The following CDYL variants were observed in gnomAD, a reference collection of about 807,000 sequenced individuals.
CDYL encodes the protein chromodomain Y like.
CDYL carries 8 observed loss-of-function variants against 47.3 expected under a neutral mutation model. The ratio of observed to expected loss-of-function variants is 0.17; its 90% CI spans 0.10 to 0.31. The LOEUF (loss-of-function observed/expected upper bound fraction) is 0.31. Ranked by LOEUF, CDYL falls within the 10% of genes least tolerant of loss-of-function variation. The pLI is 1.00. For synonymous variants in CDYL, 266 were observed against 265.0 expected, an observed-to-expected ratio of 1.00 and a Z score of -0.04; for missense variants, 471 against 701.4, an observed-to-expected ratio of 0.67 and a Z score of 3.71.
chr6:4,708,241 G>A (rs1410379241), intron 1 of CDYL, among the ~76,000 whole-genome samples: 1 of 151,978 alleles, frequency 6.6e-6, no homozygotes, highest in African/African-American at 2.4e-5. Flanking sequence ...TTGACTTACT[G>A]CAACCTCCAC....
At chr6:4,806,971 G>T (rs568634335) in intron 1 of CDYL, among the ~76,000 whole-genome samples, 21 of 152,308 alleles carry the variant, frequency 1.4e-4, no homozygotes, top group African/African-American at 5.1e-4. Context: ...TCTCCCGAGG[G>T]CTTCCTTCCC....
intron 3 of CDYL, among the ~76,000 whole-genome samples, chr6:4,735,730 C>T (rs374753733): frequency 6.6e-6 from 1 of 152,000 alleles, no homozygotes; most frequent in Non-Finnish European, 1.5e-5. Flanking sequence ...CGCTCCACTG[C>T]ACTCTAGCAC....
intron 3 of CDYL, among the ~76,000 whole-genome samples, chr6:4,749,496 A>G (rs895727038): frequency 6.6e-6 from 1 of 151,964 alleles, no homozygotes; most frequent in Non-Finnish European, 1.5e-5. Flanking sequence ...GGATGAATGA[A>G]TGGAAGGATA....
intron 4 of CDYL, among the ~76,000 whole-genome samples, chr6:4,939,697 GT>G (rs1197535036): frequency 6.6e-6 from 1 of 152,166 alleles, no homozygotes; most frequent in African/African-American, 2.4e-5. Context: ...CTTGATCAGT[GT>G]CATAAATCCT....
intron 1 of CDYL, among the ~76,000 whole-genome samples, chr6:4,885,020 G>A (rs1761864310): frequency 6.6e-6 from 1 of 151,886 alleles, no homozygotes; most frequent in Non-Finnish European, 1.5e-5. Flanking sequence ...TTGAGGCAGG[G>A]TCCCACTCTG....
rs189638769 is a variant in CDYL, at chr6:4,743,900, G to A, written c.186+9056G>A. Among the ~76,000 whole-genome samples the A allele has an allele frequency of 1.1e-3, 166 of 152,304 alleles. 1 individual carries two copies. The highest frequency in any genetic ancestry group is 3.8e-3 in the African/African-American group (160 of 41,572). On this transcript the variant is annotated intron_variant, in intron 3 of 8. Transcript: ENST00000328908. ...GTTCCTAGTAATAACTTGTACCTGA[G>A]AGTATATGACTTAGATAAAATACCT...
upstream of CDYL, among the ~76,000 whole-genome samples, chr6:4,776,242 G>A (rs1189945557): frequency 1.8e-4 from 25 of 137,604 alleles, no homozygotes; most frequent in African/African-American, 6.5e-4. Flanking sequence ...CCGGCCGCCC[G>A]CCTCGGCCCC....
intron 1 of CDYL, among the ~76,000 whole-genome samples, chr6:4,842,695 G>A (rs1318919312): frequency 6.6e-6 from 1 of 152,132 alleles, no homozygotes; most frequent in African/African-American, 2.4e-5. Flanking sequence ...ACAGATACTA[G>A]GTGAATTCTT....
At chr6:4,837,419 C>T (rs554366345) in intron 1 of CDYL, among the ~76,000 whole-genome samples, 10 of 151,558 alleles carry the variant, frequency 6.6e-5, no homozygotes, top group Non-Finnish European at 1.2e-4. Context: ...AAAGGGATCA[C>T]CTGTACATTA....
chr6:4,812,092 G>T (rs1353348905), intron 1 of CDYL, among the ~76,000 whole-genome samples: 1 of 152,144 alleles, frequency 6.6e-6, no homozygotes, highest in Non-Finnish European at 1.5e-5. Flanking sequence ...CAAGATCTTT[G>T]GTGATTTGTA....
chr6:4,834,969 AT>A (rs1760254359), intron 1 of CDYL, among the ~76,000 whole-genome samples: 2 of 152,198 alleles, frequency 1.3e-5, no homozygotes, highest in South Asian at 4.1e-4. Context: ...CTAGTTATAC[AT>A]TCGTCTAAAT....
At chr6:4,897,785 T>TTTTGG (rs1762325651) in intron 2 of CDYL, among the ~76,000 whole-genome samples, 1 of 13,444 alleles carries the variant, frequency 7.4e-5, no homozygotes, top group African/African-American at 1.4e-4. Context: ...GTTTTGAAGG[T>TTTTGG]TTTTGTTTTT....
intron 3 of CDYL, among the ~76,000 whole-genome samples, chr6:4,758,753 C>T (rs1210938906): frequency 3.9e-5 from 6 of 152,016 alleles, no homozygotes; most frequent in African/African-American, 1.5e-4. Context: ...ACAATTGACA[C>T]TTTAACATAG....
chr6:4,715,072 C>G (rs1320229485), intron 1 of CDYL, among the ~76,000 whole-genome samples: 3 of 152,164 alleles, frequency 2.0e-5, no homozygotes, highest in African/African-American at 7.2e-5. Context: ...TTTCCATAAA[C>G]CCTCTGCATA....
chr6:4,905,144 C>G (rs544414691), intron 2 of CDYL, among the ~76,000 whole-genome samples: 132 of 152,290 alleles, frequency 8.7e-4, no homozygotes, highest in African/African-American at 3.1e-3. Flanking sequence ...TCACAGTGAC[C>G]GTGTGTCCGT....
chr6:4,725,871 C>G (rs1431750651), intron 2 of CDYL, among the ~76,000 whole-genome samples: 1 of 152,232 alleles, frequency 6.6e-6, no homozygotes, highest in African/African-American at 2.4e-5. Context: ...ACCTCTCACT[C>G]TTATCAAAGG....
At chr6:4,803,990 T>TTG (rs1759298747) in intron 1 of CDYL, among the ~76,000 whole-genome samples, 1 of 151,864 alleles carries the variant, frequency 6.6e-6, no homozygotes, top group Non-Finnish European at 1.5e-5. Context: ...TTTTTTTTTT[T>TTG]TTTGCTCTCC....
chr6:4,733,658 CAT>C lies in CDYL; in HGVS notation c.104-1103_104-1102del, dbSNP rs1158161309. On this transcript the variant is annotated intron_variant, in intron 2 of 8. Transcript: ENST00000328908. The stretch of plus-strand genomic sequence containing the variant: ...AACTTCATTCTGGTCATTAAGACTC[CAT>C]CTCAGGTATGAAAATTTCAGTAAGT... 6.6e-5 allele frequency among the ~76,000 whole-genome samples: 10 copies of C among 152,162 alleles called. No homozygotes were observed. In the East Asian group the frequency reaches 1.6e-3, roughly 24 times the overall value.
intron 1 of CDYL, among the ~76,000 whole-genome samples, chr6:4,713,722 G>C (rs1757200705): frequency 6.6e-6 from 1 of 151,898 alleles, no homozygotes; most frequent in Non-Finnish European, 1.5e-5. Context: ...CAAGTAGCTG[G>C]GATTACAGGC....
Sources: allele counts gnomAD v4.1 joint callset (sites outside exome capture counted in the v4.1 genomes callset), GRCh38; gene constraint gnomAD v4.1.1; transcripts MANE v1.5; gene names NCBI Gene and HGNC (gene_info 2026-07-23, HGNC 2026-07-21).